RNF144A: variants seen among roughly 807,000 people sequenced by gnomAD.
RNF144A encodes E3 ubiquitin-protein ligase RNF144A.
A neutral mutation model predicts 38.7 loss-of-function variants in RNF144A; 11 were observed. The ratio of observed to expected loss-of-function variants is 0.28; its 90% CI spans 0.18 to 0.47. The LOEUF (loss-of-function observed/expected upper bound fraction) is 0.47. Ranked by LOEUF, RNF144A falls within the 20% of genes least tolerant of loss-of-function variation. The pLI, the probability that RNF144A is intolerant of heterozygous loss-of-function variation, is 0.99. For synonymous variants in RNF144A, 149 were observed against 143.9 expected (o/e 1.04, Z -0.25); for missense variants, 316 against 377.2 (o/e 0.84, Z 1.34).
intron 3 of RNF144A, among the ~76,000 whole-genome samples, chr2:7,004,699 C>G (rs1284317769): frequency 6.6e-6 from 1 of 152,176 alleles, no homozygotes; most frequent in Non-Finnish European, 1.5e-5. Context: ...GCTCCTCCCC[C>G]TTTCTCAATT....
chr2:6,930,256 A>C (rs1200126269), intron 1 of RNF144A, among the ~76,000 whole-genome samples: 1 of 152,232 alleles, frequency 6.6e-6, no homozygotes. Flanking sequence ...TTATATTATT[A>C]AGTGAAAACA....
intron 8 of RNF144A, among the ~76,000 whole-genome samples, chr2:7,037,044 G>A (rs1038609549): frequency 6.6e-6 from 1 of 152,198 alleles, no homozygotes; most frequent in Non-Finnish European, 1.5e-5. Flanking sequence ...ACGAAGCTGT[G>A]CTGTACAGAT....
intron 8 of RNF144A, among the ~76,000 whole-genome samples, chr2:7,035,302 TCTTA>T (rs1672595694): frequency 1.3e-5 from 2 of 152,224 alleles, no homozygotes; most frequent in African/African-American, 2.4e-5. Flanking sequence ...GTCTTTGGAA[TCTTA>T]CTTGACTGCA....
At chr2:7,058,625 A>G (rs1673833974) in intron 6 of RNF144A, among the ~76,000 whole-genome samples, 1 of 152,192 alleles carries the variant, frequency 6.6e-6, no homozygotes, top group Admixed American at 6.5e-5. Context: ...ATAATATCCC[A>G]TCTAAAAGAG....
rs559388602 is a variant in RNF144A at position 6,992,015 on chromosome 2, C to T, written c.-11-4901C>T. ...TGGTGACATGGTAGACCTCCAAAGC[C>T]ACACTTACCCAGAAGAAATGGGAGT... On this transcript the variant is annotated intron_variant, in intron 2 of 8. Transcript: ENST00000320892. 1.3e-3 allele frequency among the ~76,000 whole-genome samples: 200 copies of T among 152,316 alleles called. 1 individual carries two copies. In the Middle Eastern group the frequency reaches 0.017, roughly 13 times the overall value.
intron 6 of RNF144A, among the ~76,000 whole-genome samples, chr2:7,049,983 G>T (rs1246793713): frequency 6.6e-6 from 1 of 152,138 alleles, no homozygotes; most frequent in Non-Finnish European, 1.5e-5. Flanking sequence ...CAATCTCCTC[G>T]GCTTTTTCAG....
intron 2 of RNF144A, among the ~76,000 whole-genome samples, chr2:6,967,032 C>T (rs777013011): frequency 6.6e-6 from 1 of 152,290 alleles, no homozygotes; most frequent in Non-Finnish European, 1.5e-5. Context: ...CAGCCATCGA[C>T]GCAAACCATT....
chr2:6,923,375 C>T (rs1345680295), intron 1 of RNF144A, among the ~76,000 whole-genome samples: 1 of 152,160 alleles, frequency 6.6e-6, no homozygotes, highest in African/African-American at 2.4e-5. Flanking sequence ...TAACACTTCT[C>T]TATTCAGAGA....
Position 7,039,781 on chromosome 2 carries a change from A to G in RNF144A, c.*21A>G. 1 of 1,610,676 alleles carries G rather than the reference A, an allele frequency of 6.2e-7. No homozygotes were observed. Among genetic ancestry groups the G allele is most frequent in the Non-Finnish European group, 8.5e-7 (1 of 1,178,670 alleles). On this transcript the variant is annotated 3_prime_UTR_variant, in exon 9 of 9. Coordinates refer to ENST00000320892, the MANE Select transcript of RNF144A (RefSeq NM_014746.6). ...CCTAGAGGAAGCGCGATGCTGGAAC[A>G]CATCCCTGCCTCCGGGAAGTGTGGC...
At chr2:7,030,089 C>T (rs757668988) in intron 7 of RNF144A, 37 bp from the exon 8 acceptor site, 5 of 1,409,966 alleles carry the variant, frequency 3.5e-6, no homozygotes, top group South Asian at 3.5e-5. Context: ...GAGCAGGAAC[C>T]ACTCGTTCAT....
chr2:6,922,383 T>G (rs1246628913), intron 1 of RNF144A, among the ~76,000 whole-genome samples: 1 of 152,228 alleles, frequency 6.6e-6, no homozygotes, highest in Non-Finnish European at 1.5e-5. Context: ...GTCTCTTTAT[T>G]GATTGAACGG....
intron 8 of RNF144A, among the ~76,000 whole-genome samples, chr2:7,031,574 T>A (rs1672303689): frequency 6.6e-6 from 1 of 152,194 alleles, no homozygotes; most frequent in Non-Finnish European, 1.5e-5. Context: ...CCCTGCCTGC[T>A]CCTCGAGAGG....
At chr2:6,949,049 C>T (rs1268508480) in intron 2 of RNF144A, among the ~76,000 whole-genome samples, 3 of 152,154 alleles carry the variant, frequency 2.0e-5, no homozygotes, top group African/African-American at 7.2e-5. Context: ...GAGGTGACCA[C>T]GTGGTGCTTT....
intron 8 of RNF144A, among the ~76,000 whole-genome samples, chr2:7,036,493 T>G (rs761227214): frequency 6.6e-6 from 1 of 152,182 alleles, no homozygotes; most frequent in Non-Finnish European, 1.5e-5. Context: ...GGAAGCCACA[T>G]GCAGTGACTG....
At chr2:7,056,123 T>C (rs1328120159) in intron 6 of RNF144A, among the ~76,000 whole-genome samples, 1 of 152,204 alleles carries the variant, frequency 6.6e-6, no homozygotes, top group Non-Finnish European at 1.5e-5. Context: ...TATTTCTCTG[T>C]GGTCTTGGTT....
At chr2:6,993,239 A>G (rs1326505502) in intron 2 of RNF144A, among the ~76,000 whole-genome samples, 2 of 152,128 alleles carry the variant, frequency 1.3e-5, no homozygotes, top group South Asian at 2.1e-4. Flanking sequence ...TAGTGATGTG[A>G]TTCCTGGAAA....
intron 2 of RNF144A, among the ~76,000 whole-genome samples, chr2:6,970,715 C>T (rs1019398864): frequency 6.6e-6 from 1 of 152,164 alleles, no homozygotes; most frequent in South Asian, 2.1e-4. Flanking sequence ...ACAATGAGCC[C>T]AGGGTCTGTC....
In RNF144A at chr2:7,016,450, A is replaced by AT. The variant is rs1407178368; in HGVS notation, c.301+1683dup. ...TTAATTTAAAAATGCAGCTGGGTAC[A>AT]TTTTTCAACCTAATAATTTTAACTG... On this transcript the variant is annotated intron_variant, in intron 5 of 8. Coordinates refer to ENST00000320892, the MANE Select transcript of RNF144A (RefSeq NM_014746.6). Among the ~76,000 whole-genome samples, 92 of 152,140 alleles carry AT rather than the reference A, an allele frequency of 6.0e-4. 1 individual carries two copies. The highest frequency in any genetic ancestry group is 2.1e-4 in the Non-Finnish European group (14 of 67,992).
chr2:7,028,701 G>T (rs941548804), intron 7 of RNF144A, among the ~76,000 whole-genome samples: 100 of 152,338 alleles, frequency 6.6e-4, no homozygotes, highest in Non-Finnish European at 2.2e-4. Context: ...AGGAAATTTT[G>T]GTTAAGAGTT....
Sources: allele counts gnomAD v4.1 joint callset (sites outside exome capture counted in the v4.1 genomes callset), GRCh38; gene constraint gnomAD v4.1.1; transcripts MANE v1.5; gene names NCBI Gene and HGNC (gene_info 2026-07-23, HGNC 2026-07-21).